Variants in ANKS1A observed in about 807,000 individuals in gnomAD.
The protein encoded by ANKS1A is ankyrin repeat and SAM domain-containing protein 1A.
In ANKS1A, 55 loss-of-function variants were observed where a neutral mutation model predicts 120.3. The ratio of observed to expected loss-of-function variants is 0.46; its 90% CI spans 0.37 to 0.57. The LOEUF (loss-of-function observed/expected upper bound fraction) is 0.57, where lower values mean the gene tolerates loss of function less well. Ranked by LOEUF, ANKS1A falls within the 20% of genes least tolerant of loss-of-function variation. The pLI, the probability that ANKS1A is intolerant of heterozygous loss-of-function variation, is 0.00. For missense variants in ANKS1A, 1,123 were observed against 1,480.3 expected, an observed-to-expected ratio of 0.76 and a Z score of 3.96; for synonymous variants, 590 against 604.7, an observed-to-expected ratio of 0.98 and a Z score of 0.36.
At chr6:35,065,236 A>AC (rs1486126628) in intron 13 of ANKS1A, among the ~76,000 whole-genome samples, 1 of 68,608 alleles carries the variant, frequency 1.5e-5, no homozygotes, top group South Asian at 6.7e-4. Flanking sequence ...GCCTGACTGC[A>AC]GCGCAGGCAT....
Position 35,091,273 on chromosome 6 carries a change from C to T in ANKS1A, c.*2664C>T. On this transcript the variant is annotated 3_prime_UTR_variant, in exon 24 of 24. Coordinates refer to ENST00000360359, the MANE Select transcript of ANKS1A (RefSeq NM_015245.3). ...AGGTACCAAACATAACCAATCTGTG[C>T]AACAACATAGACTGACCTCAGTACC... The T allele has an allele frequency of 1.0e-6, 1 of 985,870 alleles. No individual in the cohort carries two copies. The highest frequency in any genetic ancestry group is 4.7e-5 in the South Asian group (1 of 21,286). 61.1% of individuals were successfully genotyped at this position (985,870 alleles called of 1,614,324 possible). A position where few individuals can be genotyped will look rare whatever the true frequency, so the allele number is the denominator to read the frequency against.
intron 11 of ANKS1A, among the ~76,000 whole-genome samples, chr6:35,045,624 C>T (rs1775682945): frequency 1.3e-5 from 2 of 152,216 alleles, no homozygotes; most frequent in Admixed American, 1.3e-4. Flanking sequence ...ACAAGCTGGA[C>T]ACCATGAATT....
In ANKS1A at chr6:35,017,580, G is replaced by A. The variant is rs1282967751; in HGVS notation, c.1531G>A (p.Glu511Lys). ...GLLHGSSPVC[E>K]VGQDPFQLLC... ...CCTCCACGGCTCCTCCCCGGTGTGC[G>A]AGGTGGGGCAGGACCCTTTCCAGCT... Residue 511 changes from glutamate to lysine, a missense_variant, in exon 11 of 24, where the codon GAG (glutamate) becomes AAG (lysine). Glu to Lys is a moderately conservative substitution (Grantham distance 56, BLOSUM62 1). This residue lies in a region of ANKS1A where 904 missense variants were observed against 1,130.4 expected (regional missense o/e 0.80). Transcript: ENST00000360359. The A allele has an allele frequency of 2.5e-6, 4 of 1,613,936 alleles. No homozygotes were observed. The highest frequency in any genetic ancestry group is 2.2e-5 in the East Asian group (1 of 44,898).
At position 35,004,334 on chromosome 6, in the gene ANKS1A, A is replaced by G. The variant is rs755382364; in HGVS notation, c.1423+9912A>G. Reference sequence around the variant, plus strand: ...TGAGATGGGAAATTTTTTAAATTACATTTTTAGGCTGGGTGCAGTGGCTTA... The same window carrying G: ...TGAGATGGGAAATTTTTTAAATTACGTTTTTAGGCTGGGTGCAGTGGCTTA... On this transcript the variant is annotated intron_variant, in intron 10 of 23. Coordinates refer to ENST00000360359, the MANE Select transcript of ANKS1A (RefSeq NM_015245.3). Among the ~76,000 whole-genome samples the G allele has an allele frequency of 7.2e-4, 109 of 152,240 alleles. 1 individual carries two copies. The highest frequency in any genetic ancestry group is 5.1e-4 in the Non-Finnish European group (35 of 68,020).
At chr6:35,025,854 G>T (rs529533018) in intron 11 of ANKS1A, among the ~76,000 whole-genome samples, 1 of 151,990 alleles carries the variant, frequency 6.6e-6, no homozygotes, top group South Asian at 2.1e-4. Flanking sequence ...TCTGCCACTC[G>T]TGGTATCCGC....
chr6:34,988,470 C>T (rs914780232), intron 8 of ANKS1A, among the ~76,000 whole-genome samples: 11 of 152,276 alleles, frequency 7.2e-5, no homozygotes, highest in African/African-American at 2.4e-4. Flanking sequence ...GTGGCGGGCA[C>T]CTGTAGTCCC....
At chr6:34,939,922 A>T (rs957273267) in intron 1 of ANKS1A, among the ~76,000 whole-genome samples, 2 of 152,176 alleles carry the variant, frequency 1.3e-5, no homozygotes, top group African/African-American at 2.4e-5. Context: ...CATCTAAGAA[A>T]TATGGTTGCT....
chr6:35,087,457 G>A (rs577342668), intron 23 of ANKS1A, among the ~76,000 whole-genome samples: 12 of 152,272 alleles, frequency 7.9e-5, no homozygotes, highest in African/African-American at 2.9e-4. Flanking sequence ...GCTCTGTGTG[G>A]CTCCCTCCTC....
At chr6:35,078,758 C>A in intron 14 of ANKS1A, 102 bp downstream of exon 14, 1 of 1,133,652 alleles carries the variant, frequency 8.8e-7, no homozygotes, top group Non-Finnish European at 1.3e-6. Flanking sequence ...CTCCAGCACA[C>A]GCACATCATA....
rs531555183 is a variant in ANKS1A at position 34,889,697 on chromosome 6, G to A, written c.197+98G>A. On this transcript the variant is annotated intron_variant, in intron 1 of 23. Coordinates refer to ENST00000360359, the MANE Select transcript of ANKS1A (RefSeq NM_015245.3). The surrounding 1 kb of genome is among the most constrained non-coding windows in gnomAD (Gnocchi z 5.5). ...AGATCGGGGGTCCTGAGACTCGGGC[G>A]GGGTGGGCTTGTGGCGTGCCCGGGG... is the stretch of plus-strand genomic sequence containing the variant. 4.1e-4 allele frequency: 487 copies of A among 1,178,748 alleles called. 1 individual carries two copies. In the African/African-American group the frequency reaches 6.7e-3, roughly 16 times the overall value. 73.0% of individuals were successfully genotyped at this position (1,178,748 alleles called of 1,614,324 possible).
intron 1 of ANKS1A, among the ~76,000 whole-genome samples, chr6:34,930,464 C>G (rs1323948143): frequency 6.6e-6 from 1 of 152,152 alleles, no homozygotes; most frequent in Non-Finnish European, 1.5e-5. Flanking sequence ...TGCACATTCC[C>G]TGTGTGTGTG....
chr6:35,081,090 G>A lies in ANKS1A; in HGVS notation c.2641G>A (p.Gly881Ser), dbSNP rs1457444812. The A allele has an allele frequency of 6.2e-7, 1 of 1,613,878 alleles. No individual in the cohort carries two copies. Among genetic ancestry groups the A allele is most frequent in the South Asian group, 1.1e-5 (1 of 91,086 alleles). The change falls in exon 17 of 24, where the codon GGC becomes AGC. Residue 881 changes from glycine to serine, a missense_variant. Physicochemically the swap from Gly to Ser is moderately conservative, Grantham distance 56 (BLOSUM62 0). Coordinates refer to ENST00000360359, the MANE Select transcript of ANKS1A (RefSeq NM_015245.3). ...TCTGCTGCTGCCTCCAGGGGACACA[G>A]GCAGGAGGCGCCATGACAGTCTCCA... Reference protein sequence around the residue: ...ADLLLPPGDTGRRRHDSLHDP... With the variant: ...ADLLLPPGDTSRRRHDSLHDP...
Position 35,082,762 on chromosome 6 carries a change from T to A in ANKS1A, c.2781T>A (p.Ser927Arg). 1 of 1,613,380 alleles carries A rather than the reference T, an allele frequency of 6.2e-7. No individual in the cohort carries two copies. The change falls in exon 18 of 24, where the codon AGT becomes AGA. Residue 927 changes from serine to arginine, a missense_variant. Around this residue, in one of 3 missense-constraint regions of ANKS1A, gnomAD observed 904 missense variants for 1,130.4 expected, o/e 0.80. Coordinates refer to ENST00000360359, the MANE Select transcript of ANKS1A (RefSeq NM_015245.3). This position sits in a 1 kb window ranked among gnomAD's most constrained non-coding sequence, Gnocchi z 4.1. ...CAGCCCCCTACGCCCCAGTGCAGAG[T>A]TGGCAACACCAGCCAGAGAAACTCA... The part of the protein sequence containing the change: ...SLAAPYAPVQ[S>R]WQHQPEKLIF...
chr6:35,095,592 G>A (rs200465791), downstream of ANKS1A, among the ~76,000 whole-genome samples: 71 of 83,088 alleles, frequency 8.5e-4, no homozygotes, highest in East Asian at 0.016. Context: ...ACGAAAGAAA[G>A]AGAGAAAGAA....
intron 12 of ANKS1A, 73 bp downstream of exon 12, chr6:35,054,238 AAC>A: frequency 7.0e-7 from 1 of 1,427,726 alleles, no homozygotes; most frequent in South Asian, 1.2e-5. Context: ...GCTTTCCTCT[AAC>A]ACAGAAGACA....
chr6:35,030,344 G>A (rs1018629976), intron 11 of ANKS1A, among the ~76,000 whole-genome samples: 3 of 152,122 alleles, frequency 2.0e-5, no homozygotes, highest in East Asian at 1.9e-4. Context: ...AAGACTCAAA[G>A]CATTTCTTCC....
At chr6:34,962,126 T>C (rs756871997) in intron 1 of ANKS1A, among the ~76,000 whole-genome samples, 6 of 152,364 alleles carry the variant, frequency 3.9e-5, no homozygotes, top group African/African-American at 7.2e-5. Flanking sequence ...TTGTCAGGCA[T>C]AGTCATATAC....
intron 1 of ANKS1A, among the ~76,000 whole-genome samples, chr6:34,917,248 C>T (rs1768210207): frequency 6.6e-6 from 1 of 152,192 alleles, no homozygotes; most frequent in Non-Finnish European, 1.5e-5. Flanking sequence ...CCTTCTCTCC[C>T]CACTGTGGAA....
At chr6:35,052,609 T>TAAAAAAAAAAAAAAAAAAAA (rs59378149) in intron 11 of ANKS1A, among the ~76,000 whole-genome samples, 1 of 102,432 alleles carries the variant, frequency 9.8e-6, no homozygotes, top group Non-Finnish European at 1.9e-5. Context: ...TCTTCTCTGT[T>TAAAAAAAAAAAAAAAAAAAA]AAAAAAAAAA....
Sources: gnomAD v4.1 joint callset for allele counts (sites outside exome capture counted in the v4.1 genomes callset) on GRCh38, gnomAD v4.1.1 for gene constraint, gnomAD v4.1.1 regional missense constraint, Gnocchi (gnomAD v3.1) non-coding constraint, MANE v1.5 for transcripts, NCBI Gene and HGNC (gene_info 2026-07-23, HGNC 2026-07-21) for gene names.